The following ASTN2 variants were observed in gnomAD, a reference collection of about 807,000 sequenced individuals.
The protein encoded by ASTN2 is astrotactin-2.
ASTN2 carries 54 observed loss-of-function variants against 139.8 expected under a neutral mutation model. That is an observed-to-expected ratio of 0.39 (90% confidence interval 0.31 to 0.48). The LOEUF is 0.48. Ranked by LOEUF, ASTN2 falls within the 20% of genes least tolerant of loss-of-function variation. The probability of loss-of-function intolerance (pLI) is 0.95; values close to 1 mark genes in which losing one functional copy is unlikely to be tolerated. For missense variants in ASTN2, 1,565 were observed against 1,725.1 expected (o/e 0.91, Z 1.64); for synonymous variants, 756 against 719.5 (o/e 1.05, Z -0.81).
chr9:116,723,135 A>C (rs185789708), intron 16 of ASTN2, among the ~76,000 whole-genome samples: 321 of 151,248 alleles, frequency 2.1e-3, no homozygotes, highest in African/African-American at 7.3e-3. Flanking sequence ...ACTGAGCTCC[A>C]GCCTGGGTGA....
intron 2 of ASTN2, among the ~76,000 whole-genome samples, chr9:117,230,185 G>GAAAAAAAAA (rs10636499): frequency 7.2e-6 from 1 of 139,246 alleles, no homozygotes; most frequent in East Asian, 2.1e-4. Context: ...TCTTCAGGCT[G>GAAAAAAAAA]AAAAAAAAAA....
At chr9:116,640,546 T>C (rs937383664) in intron 17 of ASTN2, among the ~76,000 whole-genome samples, 2 of 152,150 alleles carry the variant, frequency 1.3e-5, no homozygotes, top group Non-Finnish European at 2.9e-5. Context: ...GAATAGCCTG[T>C]GCAAAGTCTC....
rs774696976 is a variant in ASTN2, at chr9:116,437,573, C to T, written c.3782+3036G>A. ...CCAGAAGATTTATGTCCTGGAGGCT[C>T]ATAAAGGATTCCAGGAGGCTGTAAA... is the stretch of plus-strand genomic sequence containing the variant. On this transcript the variant is annotated intron_variant, in intron 22 of 22. Coordinates refer to ENST00000313400, the MANE Select transcript of ASTN2 (RefSeq NM_001365068.1). 1.1e-4 allele frequency: 53 copies of T among 470,932 alleles called. 1 individual carries two copies. The highest frequency in any genetic ancestry group is 3.3e-4 in the South Asian group (21 of 64,564). The allele number at this position is 470,932 out of a possible 1,614,324, so 29.2% of individuals were successfully genotyped here.
chr9:116,707,716 C>A (rs1828030715), intron 16 of ASTN2, among the ~76,000 whole-genome samples: 1 of 152,218 alleles, frequency 6.6e-6, no homozygotes, highest in South Asian at 2.1e-4. Flanking sequence ...TGTACCTCTA[C>A]AACCTAGGTT....
At chr9:117,333,945 T>C (rs547244502) in intron 1 of ASTN2, among the ~76,000 whole-genome samples, 7 of 152,314 alleles carry the variant, frequency 4.6e-5, no homozygotes, top group Admixed American at 2.0e-4. Flanking sequence ...TCCAGATTAA[T>C]GGCCTGGTGC....
chr9:117,013,807 G>T (rs905475046), intron 6 of ASTN2, among the ~76,000 whole-genome samples: 2 of 152,020 alleles, frequency 1.3e-5, no homozygotes, highest in African/African-American at 4.8e-5. Context: ...ACGGAAGGAG[G>T]TATCACCAGA....
intron 20 of ASTN2, among the ~76,000 whole-genome samples, chr9:116,452,544 C>T (rs1848206870): frequency 1.3e-5 from 2 of 152,178 alleles, no homozygotes; most frequent in South Asian, 4.1e-4. Flanking sequence ...CTGTATCAGA[C>T]ACAGTGCTAG....
At chr9:117,316,343 T>C (rs563050324) in intron 1 of ASTN2, among the ~76,000 whole-genome samples, 2 of 151,974 alleles carry the variant, frequency 1.3e-5, no homozygotes, top group East Asian at 3.9e-4. Flanking sequence ...GTGTTGAGAA[T>C]TGGAGGTGGG....
intron 10 of ASTN2, among the ~76,000 whole-genome samples, chr9:116,954,843 T>C (rs1008012813): frequency 6.6e-6 from 1 of 152,162 alleles, no homozygotes; most frequent in Non-Finnish European, 1.5e-5. Context: ...TGAGCATCCC[T>C]TAGGAACTTG....
intron 20 of ASTN2, among the ~76,000 whole-genome samples, chr9:116,463,902 T>C (rs954448397): frequency 1.4e-5 from 2 of 142,522 alleles, no homozygotes; most frequent in Admixed American, 7.1e-5. Flanking sequence ...ATGAACAGAG[T>C]TTTGTGTTTT....
intron 4 of ASTN2, among the ~76,000 whole-genome samples, chr9:117,115,717 T>C (rs1829367484): frequency 6.6e-6 from 1 of 151,734 alleles, no homozygotes; most frequent in Admixed American, 6.6e-5. Context: ...AGGCTAGGGG[T>C]ATAACTGTCA....
intron 5 of ASTN2, among the ~76,000 whole-genome samples, chr9:117,081,773 T>A (rs1352809328): frequency 6.6e-6 from 1 of 152,148 alleles, no homozygotes; most frequent in African/African-American, 2.4e-5. Context: ...GGGAGACATG[T>A]GGCAAGGGCT....
At chr9:116,585,502 A>G (rs1381039960) in intron 19 of ASTN2, 6 of 152,194 alleles carry the variant, frequency 3.9e-5, no homozygotes, top group Non-Finnish European at 1.5e-5. Flanking sequence ...TAGAGAACTC[A>G]GAAATAAAAC....
At position 116,664,677 on chromosome 9, in the gene ASTN2, C is replaced by A. The variant is rs142053680; in HGVS notation, c.2807-12884G>T. Among the ~76,000 whole-genome samples, 313 of 150,806 alleles carry A rather than the reference C, an allele frequency of 2.1e-3. 12 individuals are homozygous for A. The East Asian group carries it at 0.058, about 28-fold the overall frequency. Reference sequence around the variant, plus strand: ...ACAATCTCTACAAATTATATACCCACTGAAAAAATATCTCTAACTCTACAT... The same window carrying A: ...ACAATCTCTACAAATTATATACCCAATGAAAAAATATCTCTAACTCTACAT... On this transcript the variant is annotated intron_variant, in intron 16 of 22. Transcript: ENST00000313400.
intron 10 of ASTN2, among the ~76,000 whole-genome samples, chr9:116,932,889 C>T (rs989873753): frequency 6.6e-6 from 1 of 151,472 alleles, no homozygotes; most frequent in Non-Finnish European, 1.5e-5. Flanking sequence ...ACCTATAATC[C>T]CAGCTACTCC....
chr9:117,003,090 C>G (rs1837237748), intron 7 of ASTN2, among the ~76,000 whole-genome samples: 1 of 152,198 alleles, frequency 6.6e-6, no homozygotes, highest in South Asian at 2.1e-4. Context: ...GGAAACTGCA[C>G]ATGGGTAGTG....
At chr9:116,726,148 A>G (rs566532025) in intron 15 of ASTN2, among the ~76,000 whole-genome samples, 198 bp from the exon 16 acceptor site, 1 of 152,294 alleles carries the variant, frequency 6.6e-6, no homozygotes, top group South Asian at 2.1e-4. Flanking sequence ...TCTGAGGGGT[A>G]CATCAGACAC....
Position 116,977,558 on chromosome 9 carries a change from A to T in ASTN2, c.1592-773T>A, listed in dbSNP as rs1836380072. 2.0e-5 allele frequency among the ~76,000 whole-genome samples: 3 copies of T among 151,758 alleles called. No individual in the cohort carries two copies. In the South Asian group the frequency reaches 6.3e-4, roughly 32 times the overall value. ...CACACTGCCTTAAGTATATTCTCTC[A>T]TTGGCCAAGTTCATTTCAAGTGGCC... On this transcript the variant is annotated intron_variant, in intron 7 of 22. Coordinates refer to ENST00000313400, the MANE Select transcript of ASTN2 (RefSeq NM_001365068.1).
At chr9:117,151,090 T>C (rs748521594) in intron 3 of ASTN2, among the ~76,000 whole-genome samples, 6 of 152,008 alleles carry the variant, frequency 3.9e-5, no homozygotes, top group Non-Finnish European at 5.9e-5. Flanking sequence ...CTCAAACCCC[T>C]TGGCTCAAGG....
Sources: gnomAD v4.1 joint callset for allele counts (sites outside exome capture counted in the v4.1 genomes callset) on GRCh38, gnomAD v4.1.1 for gene constraint, MANE v1.5 for transcripts, NCBI Gene and HGNC (gene_info 2026-07-23, HGNC 2026-07-21) for gene names.